The following PAPSS1 variants were observed in gnomAD, a reference collection of about 807,000 sequenced individuals.
PAPSS1 encodes bifunctional 3'-phosphoadenosine 5'-phosphosulfate synthase 1.
A neutral mutation model predicts 72.0 loss-of-function variants in PAPSS1; 50 were observed. That is an observed-to-expected ratio of 0.69 (90% confidence interval 0.55 to 0.88). The LOEUF (loss-of-function observed/expected upper bound fraction) is 0.88. PAPSS1 is among the 40% of genes least tolerant of loss of function. The probability of loss-of-function intolerance (pLI) is 0.00; values close to 1 mark genes in which losing one functional copy is unlikely to be tolerated. For missense variants in PAPSS1, 657 were observed against 782.2 expected, an observed-to-expected ratio of 0.84 and a Z score of 1.91; for synonymous variants, 261 against 263.6, an observed-to-expected ratio of 0.99 and a Z score of 0.09.
At chr4:107,686,468 T>C (rs983379659) in intron 4 of PAPSS1, among the ~76,000 whole-genome samples, 4 of 152,230 alleles carry the variant, frequency 2.6e-5, no homozygotes, top group African/African-American at 9.6e-5. Context: ...TCTTCTGGAA[T>C]ATATGCAATT....
intron 10 of PAPSS1, among the ~76,000 whole-genome samples, chr4:107,642,898 A>G (rs1181334409): frequency 3.3e-5 from 5 of 152,224 alleles, no homozygotes; most frequent in African/African-American, 9.6e-5. Flanking sequence ...CTAATGCTCA[A>G]CAAATACATA....
intron 4 of PAPSS1, among the ~76,000 whole-genome samples, chr4:107,685,930 C>T (rs1459485177): frequency 6.6e-6 from 1 of 152,202 alleles, no homozygotes; most frequent in African/African-American, 2.4e-5. Context: ...TTAAAAGTTA[C>T]CTGCATGACT....
intron 11 of PAPSS1, among the ~76,000 whole-genome samples, chr4:107,622,187 C>T (rs2110296685): frequency 6.6e-6 from 1 of 152,296 alleles, no homozygotes; most frequent in East Asian, 1.9e-4. Context: ...GCTACTTTGG[C>T]TTCCTGGCAT....
chr4:107,642,883 A>T (rs1160252265), intron 10 of PAPSS1, among the ~76,000 whole-genome samples: 1 of 152,216 alleles, frequency 6.6e-6, no homozygotes, highest in African/African-American at 2.4e-5. Flanking sequence ...GACTGGTCGA[A>T]TCTACTAATG....
intron 9 of PAPSS1, among the ~76,000 whole-genome samples, chr4:107,650,927 C>T (rs147229943): frequency 1.3e-5 from 2 of 152,232 alleles, no homozygotes; most frequent in East Asian, 3.9e-4. Context: ...TTCCTTAGAT[C>T]TCAATGGCCA....
chr4:107,662,864 C>A (rs1381306319), intron 5 of PAPSS1, among the ~76,000 whole-genome samples: 1 of 152,114 alleles, frequency 6.6e-6, no homozygotes, highest in Non-Finnish European at 1.5e-5. Context: ...AAGCCTATTA[C>A]TTCATCAAGT....
intron 10 of PAPSS1, among the ~76,000 whole-genome samples, chr4:107,640,840 G>A (rs930188402): frequency 2.0e-5 from 3 of 152,138 alleles, no homozygotes; most frequent in African/African-American, 4.8e-5. Flanking sequence ...CATCTCTTAC[G>A]CTCACAATTC....
intron 10 of PAPSS1, among the ~76,000 whole-genome samples, chr4:107,635,331 T>C (rs1567928): frequency 0.035 from 5,345 of 152,224 alleles, 287 homozygotes; most frequent in African/African-American, 0.12. Flanking sequence ...ACTTTTATAC[T>C]GTATTTTATT....
At chr4:107,707,753 T>C (rs1341362339) in intron 1 of PAPSS1, among the ~76,000 whole-genome samples, 1 of 152,216 alleles carries the variant, frequency 6.6e-6, no homozygotes, top group Non-Finnish European at 1.5e-5. Flanking sequence ...TAGCTTTTAT[T>C]AAAGTATTTT....
chr4:107,706,877 G>A (rs1723350839), intron 1 of PAPSS1, among the ~76,000 whole-genome samples: 1 of 152,222 alleles, frequency 6.6e-6, no homozygotes, highest in South Asian at 2.1e-4. Flanking sequence ...TGGGTCAGCA[G>A]GTAGGCAGAG....
chr4:107,652,148 T>C (rs1726856784), intron 9 of PAPSS1, among the ~76,000 whole-genome samples: 1 of 152,178 alleles, frequency 6.6e-6, no homozygotes, highest in Admixed American at 6.5e-5. Context: ...GGCAAACACA[T>C]TCACCTGCCC....
At chr4:107,713,941 A>C (rs1485313042) in intron 1 of PAPSS1, among the ~76,000 whole-genome samples, 2 of 152,124 alleles carry the variant, frequency 1.3e-5, no homozygotes, top group African/African-American at 4.8e-5. Flanking sequence ...TTCAGTTAAA[A>C]TTTAACAACT....
At chr4:107,637,715 T>G (rs1726426931) in intron 10 of PAPSS1, among the ~76,000 whole-genome samples, 1 of 152,230 alleles carries the variant, frequency 6.6e-6, no homozygotes, top group Non-Finnish European at 1.5e-5. Context: ...ATTCTCAAAG[T>G]GTTTATAAAA....
At chr4:107,715,544 G>A (rs539507528) in intron 1 of PAPSS1, among the ~76,000 whole-genome samples, 3 of 152,310 alleles carry the variant, frequency 2.0e-5, no homozygotes, top group African/African-American at 7.2e-5. Flanking sequence ...AGAATGTGCT[G>A]CTGGCCTTCT....
chr4:107,625,192 G>A (rs1016655237), intron 11 of PAPSS1, among the ~76,000 whole-genome samples: 4 of 141,890 alleles, frequency 2.8e-5, no homozygotes, highest in Non-Finnish European at 6.5e-5. Flanking sequence ...TAGTGTGGCA[G>A]GCAGAATTCT....
chr4:107,625,294 T>C (rs1275290678), intron 11 of PAPSS1, among the ~76,000 whole-genome samples: 1 of 152,240 alleles, frequency 6.6e-6, no homozygotes, highest in East Asian at 1.9e-4. Flanking sequence ...TTAAAGTTAC[T>C]AATCAGTTGA....
chr4:107,631,496 T>G (rs1208358325), intron 11 of PAPSS1, 135 bp downstream of exon 11: 16 of 598,750 alleles, frequency 2.7e-5, no homozygotes, highest in Non-Finnish European at 4.3e-5. Context: ...GGAAATTACT[T>G]TTCTGGGTTT....
At chr4:107,655,025 T>C in intron 7 of PAPSS1, 125 bp from the exon 8 acceptor site, 1 of 643,462 alleles carries the variant, frequency 1.6e-6, no homozygotes, top group Non-Finnish European at 2.6e-6. Flanking sequence ...AGTGACAGTA[T>C]TCAACTGGTA....
intron 5 of PAPSS1, among the ~76,000 whole-genome samples, chr4:107,673,935 T>C (rs998792712): frequency 6.6e-6 from 1 of 152,222 alleles, no homozygotes; most frequent in Non-Finnish European, 1.5e-5. Context: ...GAATTTCATA[T>C]GCAGCCAAAC....
Sources: allele counts gnomAD v4.1 joint callset (sites outside exome capture counted in the v4.1 genomes callset), GRCh38; gene constraint gnomAD v4.1.1; transcripts MANE v1.5; gene names NCBI Gene and HGNC (gene_info 2026-07-23, HGNC 2026-07-21).